The following DIAPH2 variants were observed in gnomAD, a reference collection of about 807,000 sequenced individuals.
DIAPH2 encodes protein diaphanous homolog 2.
DIAPH2 carries 35 observed loss-of-function variants against 92.7 expected under a neutral mutation model. The observed-to-expected ratio is 0.38, with a 90% confidence interval of 0.29 to 0.50. The LOEUF (loss-of-function observed/expected upper bound fraction) is 0.50. DIAPH2 is among the 20% of genes least tolerant of loss of function. The probability of loss-of-function intolerance (pLI) is 0.94; values close to 1 mark genes in which losing one functional copy is unlikely to be tolerated. For missense variants in DIAPH2, 701 were observed against 819.5 expected (o/e 0.86, Z 1.77); for synonymous variants, 301 against 280.4 (o/e 1.07, Z -0.73).
chrX:96,849,009 T>C (rs2064990596), intron 4 of DIAPH2, among the ~76,000 whole-genome samples: 1 of 112,152 alleles, frequency 8.9e-6, no homozygotes, highest in African/African-American at 3.2e-5. Flanking sequence ...TGTCATTTGC[T>C]GATTTTTGGC....
At chrX:96,969,472 T>A (rs979078942) in intron 17 of DIAPH2, among the ~76,000 whole-genome samples, 1 of 91,630 alleles carries the variant, frequency 1.1e-5, no homozygotes, top group African/African-American at 3.7e-5. Context: ...TATGCCTAGG[T>A]ATTTCATTTT....
intron 24 of DIAPH2, among the ~76,000 whole-genome samples, chrX:97,361,708 C>G (rs992044603): frequency 1.8e-5 from 2 of 112,067 alleles, no homozygotes; most frequent in African/African-American, 6.5e-5. Flanking sequence ...CTTGGTTGCA[C>G]AATGGCTGTA....
chrX:96,867,928 CTT>C (rs1162476976), intron 4 of DIAPH2, among the ~76,000 whole-genome samples: 1 of 111,652 alleles, frequency 9.0e-6, no homozygotes, highest in Non-Finnish European at 1.9e-5. Flanking sequence ...AGCAGCATCT[CTT>C]ATACAACTTA....
At chrX:97,363,050 A>G (rs918131386) in intron 24 of DIAPH2, among the ~76,000 whole-genome samples, 1 of 112,626 alleles carries the variant, frequency 8.9e-6, no homozygotes, top group Non-Finnish European at 1.9e-5. Flanking sequence ...TGTAGAAGAA[A>G]TAAAAATTAA....
At chrX:97,207,418 T>C (rs1569329776) in intron 22 of DIAPH2, among the ~76,000 whole-genome samples, 1 of 111,500 alleles carries the variant, frequency 9.0e-6, no homozygotes, top group Admixed American at 9.5e-5. Context: ...AGAATGGCGA[T>C]GATGATGATG....
intron 19 of DIAPH2, among the ~76,000 whole-genome samples, chrX:97,082,671 A>G (rs2066755851): frequency 9.0e-6 from 1 of 111,090 alleles, no homozygotes; most frequent in African/African-American, 3.3e-5. Flanking sequence ...AACAAGTGTA[A>G]AACTTGGTAA....
intron 26 of DIAPH2, among the ~76,000 whole-genome samples, chrX:97,481,179 T>C (rs565511194): frequency 3.6e-5 from 4 of 111,931 alleles, no homozygotes; most frequent in African/African-American, 9.7e-5. Context: ...ATTATAGTTT[T>C]GTTTTTACAT....
intron 23 of DIAPH2, among the ~76,000 whole-genome samples, chrX:97,279,907 T>TA (rs948915326): frequency 1.8e-5 from 2 of 111,779 alleles, no homozygotes; most frequent in African/African-American, 6.5e-5. Flanking sequence ...TGGTTGCAGT[T>TA]AAAGTGGATT....
intron 26 of DIAPH2, among the ~76,000 whole-genome samples, chrX:97,522,728 GTTC>G (rs1203680895): frequency 1.8e-5 from 2 of 111,664 alleles, no homozygotes; most frequent in African/African-American, 3.3e-5. Context: ...TATTTTGTTT[GTTC>G]TTATTTTTGC....
At position 97,266,988 on chromosome X, in the gene DIAPH2, A is replaced by T. The variant is rs186458021; in HGVS notation, c.2844+19149A>T. Among the ~76,000 whole-genome samples the T allele has an allele frequency of 7.5e-3, 842 of 112,059 alleles. 2 individuals are homozygous for T. Among genetic ancestry groups the T allele is most frequent in the Non-Finnish European group, 0.013 (702 of 53,186 alleles). On this transcript the variant is annotated intron_variant, in intron 23 of 26. Coordinates refer to ENST00000324765, the MANE Select transcript of DIAPH2 (RefSeq NM_006729.5). ...TTTACTGTGGTTAAGACTCCATGGC[A>T]TAGAACAGACTGCTTATTTTGAGGT... is the stretch of plus-strand genomic sequence containing the variant.
At chrX:97,325,586 A>G (rs1255931570) in intron 23 of DIAPH2, among the ~76,000 whole-genome samples, 1 of 104,596 alleles carries the variant, frequency 9.6e-6, no homozygotes, top group Non-Finnish European at 2.0e-5. Flanking sequence ...ATTTTATTTT[A>G]TTTTATTTTG....
At position 96,758,218 on chromosome X, in the gene DIAPH2, G is replaced by A. The variant is rs1371175715; in HGVS notation, c.407G>A (p.Arg136His). 5.0e-6 allele frequency: 6 copies of A among 1,205,473 alleles called. No individual in the cohort carries two copies. The African/African-American group carries it at 7.0e-5, about 14-fold the overall frequency. ...PLRNKDFTTK[R>H]EMVVQYISAT... Reference sequence around the variant, plus strand: ...CGAAACAAAGACTTTACCACCAAACGTGAGATGGTTGTCCAGTATATTTCT... The same window carrying A: ...CGAAACAAAGACTTTACCACCAAACATGAGATGGTTGTCCAGTATATTTCT... The change falls in exon 4 of 27, where the codon CGT (arginine) becomes CAT (histidine). Residue 136 changes from arginine (R) to histidine (H), a missense_variant. By Grantham distance (29) the Arg-to-His change is conservative. This residue lies in a region of DIAPH2 where 131 missense variants were observed against 145.6 expected (regional missense o/e 0.90). Coordinates refer to ENST00000324765, the MANE Select transcript of DIAPH2 (RefSeq NM_006729.5).
intron 5 of DIAPH2, among the ~76,000 whole-genome samples, chrX:96,888,437 A>T (rs2065279306): frequency 1.9e-5 from 2 of 106,981 alleles, no homozygotes; most frequent in Non-Finnish European, 1.9e-5. Flanking sequence ...ACATTAAAAA[A>T]TAATGAAAAA....
intron 26 of DIAPH2, among the ~76,000 whole-genome samples, chrX:97,518,590 T>C (rs987696731): frequency 2.0e-4 from 22 of 110,270 alleles, no homozygotes; most frequent in African/African-American, 2.3e-4. Flanking sequence ...ATATAGTTTT[T>C]TCCATCTAGT....
intron 7 of DIAPH2, among the ~76,000 whole-genome samples, chrX:96,915,276 G>A (rs1011814508): frequency 9.9e-5 from 11 of 110,599 alleles, no homozygotes; most frequent in Non-Finnish European, 1.5e-4. Context: ...TGGTAATTGC[G>A]TGGTCATTGT....
At chrX:96,951,128 A>T (rs1163331179) in intron 15 of DIAPH2, among the ~76,000 whole-genome samples, 1 of 111,394 alleles carries the variant, frequency 9.0e-6, no homozygotes, top group Non-Finnish European at 1.9e-5. Context: ...TCCCATACTC[A>T]TTTGACCACA....
intron 22 of DIAPH2, among the ~76,000 whole-genome samples, chrX:97,210,486 T>C (rs1008392478): frequency 8.9e-6 from 1 of 111,970 alleles, no homozygotes; most frequent in African/African-American, 3.2e-5. Flanking sequence ...AAAAATGTAT[T>C]CTCTATTTTG....
intron 23 of DIAPH2, among the ~76,000 whole-genome samples, chrX:97,334,993 C>CAAAAAAAAAAAAAAAAAAAAAA (rs1314227612): frequency 1.5e-4 from 1 of 6,629 alleles, no homozygotes; most frequent in Non-Finnish European, 4.6e-4. Flanking sequence ...AAAACAAAAA[C>CAAAAAAAAAAAAAAAAAAAAAA]AAAACAAAAA....
At chrX:97,029,336 T>A (rs1272767249) in intron 17 of DIAPH2, among the ~76,000 whole-genome samples, 1 of 109,112 alleles carries the variant, frequency 9.2e-6, no homozygotes, top group African/African-American at 3.3e-5. Flanking sequence ...TTTGTAGAGA[T>A]AGGGTTTTAC....
Sources: allele counts gnomAD v4.1 joint callset (sites outside exome capture counted in the v4.1 genomes callset), GRCh38; gene constraint gnomAD v4.1.1; regional missense constraint gnomAD v4.1.1; transcripts MANE v1.5; gene names NCBI Gene and HGNC (gene_info 2026-07-23, HGNC 2026-07-21).